Variants in DMD observed in about 807,000 individuals in gnomAD.
DMD encodes dystrophin, also known as mutant dystrophin.
In DMD, 63 loss-of-function variants were observed where a neutral mutation model predicts 330.1. The ratio of observed to expected loss-of-function variants is 0.19; its 90% CI spans 0.16 to 0.24. The LOEUF is 0.24. Ranked by LOEUF, DMD falls within the 10% of genes least tolerant of loss-of-function variation. DMD has a pLI of 1.00. For synonymous variants in DMD, 1,223 were observed against 959.8 expected, an observed-to-expected ratio of 1.27 and a Z score of -5.07; for missense variants, 3,344 against 2,684.1, an observed-to-expected ratio of 1.25 and a Z score of -5.43.
Position 32,199,627 on chromosome X carries a change from T to G in DMD, c.6438+17289A>C, listed in dbSNP as rs759011140. ...TGCCTATACTTTCTTTCTTTTCTTT[T>G]TTTTTTGAGACAGTCTTACTCTGTC... On this transcript the variant is annotated intron_variant, in intron 44 of 78. Transcript: ENST00000357033. Among the ~76,000 whole-genome samples, 206 of 109,609 alleles carry G rather than the reference T, an allele frequency of 1.9e-3. 1 individual carries two copies. Among genetic ancestry groups the G allele is most frequent in the African/African-American group, 6.6e-3 (199 of 30,046 alleles).
intron 2 of DMD, among the ~76,000 whole-genome samples, chrX:33,011,964 G>A (rs189110502): frequency 6.0e-4 from 67 of 111,568 alleles, no homozygotes; most frequent in African/African-American, 2.0e-3. Flanking sequence ...GAATATAGGT[G>A]TAATCAATAA....
At chrX:33,045,094 T>A in intron 1 of DMD, among the ~76,000 whole-genome samples, 1 of 110,807 alleles carries the variant, frequency 9.0e-6, no homozygotes, top group Non-Finnish European at 1.9e-5. Flanking sequence ...CAAGGGAATG[T>A]GAGGAAGGGA....
chrX:31,546,414 C>A (rs952332674), intron 55 of DMD, among the ~76,000 whole-genome samples: 7 of 111,468 alleles, frequency 6.3e-5, no homozygotes, highest in Non-Finnish European at 1.3e-4. Flanking sequence ...GGAAACCTGC[C>A]TATATTTTGC....
At position 32,123,040 on chromosome X, in the gene DMD, C is replaced by A. The variant is rs1275115634; in HGVS notation, c.6438+93876G>T. Reference sequence around the variant, plus strand: ...GCAGTGAAAGAAAGCAGTGAAGACGCTTTGACCTTGAGTAAGATTACAGCC... The same window carrying A: ...GCAGTGAAAGAAAGCAGTGAAGACGATTTGACCTTGAGTAAGATTACAGCC... On this transcript the variant is annotated intron_variant, in intron 44 of 78. Transcript: ENST00000357033. Among the ~76,000 whole-genome samples, 7 of 106,263 alleles carry A rather than the reference C, an allele frequency of 6.6e-5. No homozygotes were observed. The Admixed American group carries it at 7.2e-4, about 11-fold the overall frequency. 92.3% of individuals were successfully genotyped at this position (106,263 alleles called of 115,157 possible).
At chrX:31,762,810 C>G (rs183726796) in intron 51 of DMD, among the ~76,000 whole-genome samples, 94 of 111,810 alleles carry the variant, frequency 8.4e-4, no homozygotes, top group South Asian at 5.2e-3. Flanking sequence ...AAAAAAAATC[C>G]TTTAATTTCT....
At chrX:32,165,368 TCAAAGGAG>T (rs1377505808) in intron 44 of DMD, among the ~76,000 whole-genome samples, 3 of 112,272 alleles carry the variant, frequency 2.7e-5, no homozygotes, top group Admixed American at 1.9e-4. Flanking sequence ...AGAAATGGAG[TCAAAGGAG>T]ACAACTTCAG....
intron 62 of DMD, among the ~76,000 whole-genome samples, chrX:31,282,164 T>C (rs1222129962): frequency 8.9e-6 from 1 of 112,296 alleles, no homozygotes; most frequent in African/African-American, 3.2e-5. Context: ...CCTAAACCTA[T>C]GCAAATCTCC....
chrX:31,197,627 A>T (rs1452312931), intron 67 of DMD, among the ~76,000 whole-genome samples: 1 of 111,839 alleles, frequency 8.9e-6, no homozygotes, highest in Non-Finnish European at 1.9e-5. Flanking sequence ...GGAGGCAGAA[A>T]ACAGATGTAA....
chrX:31,546,933 T>C (rs1603352012), intron 55 of DMD, among the ~76,000 whole-genome samples: 3 of 112,779 alleles, frequency 2.7e-5, no homozygotes, highest in East Asian at 5.6e-4. Context: ...TATTGAAAGA[T>C]ATCAATCTTC....
chrX:31,622,633 G>A (rs1285783186), intron 55 of DMD, among the ~76,000 whole-genome samples: 1 of 108,935 alleles, frequency 9.2e-6, no homozygotes, highest in African/African-American at 3.3e-5. Flanking sequence ...ACCAGGAAGA[G>A]GGGCCCTCAC....
chrX:31,710,210 T>A (rs2084527508), intron 52 of DMD, among the ~76,000 whole-genome samples: 1 of 111,681 alleles, frequency 9.0e-6, no homozygotes, highest in Non-Finnish European at 1.9e-5. Context: ...GGGTAACAGG[T>A]AGCAATGTCA....
intron 60 of DMD, among the ~76,000 whole-genome samples, chrX:31,394,936 G>GGGGAGAGAGAGAGAGAGAGAGAGA (rs1196348642): frequency 2.6e-4 from 8 of 30,368 alleles, no homozygotes; most frequent in African/African-American, 5.6e-4. Flanking sequence ...GAGAGAGAAG[G>GGGGAGAGAGAGAGAGAGAGAGAGA]GTGAGAGAGA....
At chrX:32,949,253 C>CACACACACAT (rs1231815863) in intron 2 of DMD, among the ~76,000 whole-genome samples, 1 of 10,747 alleles carries the variant, frequency 9.3e-5, no homozygotes, top group Non-Finnish European at 1.8e-4. Flanking sequence ...TCGTTACATA[C>CACACACACAT]ACACACACAC....
intron 7 of DMD, among the ~76,000 whole-genome samples, chrX:32,703,698 G>A (rs776782116): frequency 3.0e-4 from 34 of 111,561 alleles, no homozygotes; most frequent in African/African-American, 1.1e-3. Context: ...CTAAGTATTT[G>A]TTAAGAAACT....
chrX:31,888,635 T>C (rs1377700902), intron 47 of DMD, among the ~76,000 whole-genome samples: 1 of 111,943 alleles, frequency 8.9e-6, no homozygotes, highest in Non-Finnish European at 1.9e-5. Flanking sequence ...AGCAAAGATA[T>C]CTTCCCAGGC....
intron 9 of DMD, among the ~76,000 whole-genome samples, chrX:32,649,447 G>A (rs777595983): frequency 9.2e-6 from 1 of 108,471 alleles, no homozygotes; most frequent in Non-Finnish European, 1.9e-5. Context: ...CAGTTACTCG[G>A]GAGGCTGAGG....
chrX:33,193,070 G>A (rs2050744932), intron 1 of DMD, among the ~76,000 whole-genome samples: 1 of 111,924 alleles, frequency 8.9e-6, no homozygotes, highest in African/African-American at 3.3e-5. Flanking sequence ...ACTTTGGGAG[G>A]CTGAGGTGGG....
intron 16 of DMD, among the ~76,000 whole-genome samples, chrX:32,551,060 A>G (rs1448601738): frequency 9.0e-6 from 1 of 111,179 alleles, no homozygotes; most frequent in Non-Finnish European, 1.9e-5. Context: ...ACAGATATAG[A>G]AGGAAAAGCT....
intron 18 of DMD, among the ~76,000 whole-genome samples, chrX:32,510,104 C>T (rs898236835): frequency 1.8e-5 from 2 of 112,015 alleles, no homozygotes; most frequent in Non-Finnish European, 3.8e-5. Flanking sequence ...CAGACAGAGA[C>T]AACAGGATTC....
Sources: gnomAD v4.1 joint callset for allele counts (sites outside exome capture counted in the v4.1 genomes callset) on GRCh38, gnomAD v4.1.1 for gene constraint, MANE v1.5 for transcripts, NCBI Gene and HGNC (gene_info 2026-07-23, HGNC 2026-07-21) for gene names.